ATAD2: variants seen among roughly 807,000 people sequenced by gnomAD.
The protein encoded by ATAD2 is ATPase family AAA domain-containing protein 2.
A neutral mutation model predicts 168.9 loss-of-function variants in ATAD2; 62 were observed. The observed-to-expected ratio is 0.37, with a 90% CI of 0.30 to 0.45. The LOEUF (loss-of-function observed/expected upper bound fraction) is 0.45. Ranked by LOEUF, ATAD2 falls within the 20% of genes least tolerant of loss-of-function variation. The pLI is 1.00. For missense variants in ATAD2, 1,419 were observed against 1,667.8 expected (o/e 0.85, Z 2.60); for synonymous variants, 613 against 571.6 (o/e 1.07, Z -1.03).
At chr8:123,332,592 C>T (rs1028148088) in intron 24 of ATAD2, among the ~76,000 whole-genome samples, 2 of 152,104 alleles carry the variant, frequency 1.3e-5, no homozygotes, top group Non-Finnish European at 2.9e-5. Flanking sequence ...ATCTGTGCTG[C>T]TGTATGTAGT....
chr8:123,389,130 C>A (rs1829732501), intron 1 of ATAD2, among the ~76,000 whole-genome samples: 1 of 59,032 alleles, frequency 1.7e-5, no homozygotes, highest in South Asian at 1.3e-3. Flanking sequence ...CCACGCCCGG[C>A]TAATTTTTTT....
At chr8:123,329,701 G>A (rs908716645) in intron 24 of ATAD2, among the ~76,000 whole-genome samples, 9 of 128,452 alleles carry the variant, frequency 7.0e-5, no homozygotes, top group Non-Finnish European at 1.2e-4. Flanking sequence ...GCAGTGAATC[G>A]AGATCATGCC....
intron 24 of ATAD2, among the ~76,000 whole-genome samples, chr8:123,328,823 C>T (rs1465171057): frequency 4.7e-5 from 5 of 106,934 alleles, no homozygotes; most frequent in African/African-American, 7.8e-5. Flanking sequence ...TTTTTTGAGA[C>T]GGAGTCTCAC....
intron 1 of ATAD2, among the ~76,000 whole-genome samples, chr8:123,393,259 C>T (rs1229267958): frequency 6.6e-6 from 1 of 151,548 alleles, no homozygotes; most frequent in African/African-American, 2.4e-5. Context: ...ACCTTTAATC[C>T]CAGCAATTTG....
chr8:123,412,426 TA>T (rs1386463149), intron 1 of ATAD2, among the ~76,000 whole-genome samples: 1 of 152,166 alleles, frequency 6.6e-6, no homozygotes, highest in Non-Finnish European at 1.5e-5. Context: ...GTAGTTTTTT[TA>T]AGTTATTTTA....
In ATAD2 at chr8:123,370,851, TAA is replaced by T; in HGVS notation, c.727+50_727+51del. 2.2e-6 allele frequency: 3 copies of T among 1,388,378 alleles called. No individual in the cohort carries two copies. The South Asian group carries it at 3.9e-5, about 18-fold the overall frequency. The allele number at this position is 1,388,378 out of a possible 1,614,324, so 86.0% of individuals were successfully genotyped here. A position where few individuals can be genotyped will look rare whatever the true frequency, so the allele number is the denominator to read the frequency against. ...GCTAAAAAGGCTATTTTCTACTAAA[TAA>T]AAAGTTCTTAAATTCAATCCCAGAA... On this transcript the variant is annotated intron_variant, in intron 6 of 27. Transcript: ENST00000287394.
chr8:123,345,389 C>T (rs937396046), intron 18 of ATAD2, among the ~76,000 whole-genome samples: 4 of 151,702 alleles, frequency 2.6e-5, no homozygotes, highest in Admixed American at 2.0e-4. Context: ...TAGCCAGGCG[C>T]GGTGGCTCAT....
intron 20 of ATAD2, 44 bp from the exon 21 acceptor site, chr8:123,337,865 T>C (rs370055991): frequency 3.8e-5 from 57 of 1,511,950 alleles, no homozygotes; most frequent in South Asian, 1.2e-4. Context: ...CTCCATAACA[T>C]TGAGGTTGAC....
chr8:123,381,650 A>C (rs1340716352), intron 1 of ATAD2, among the ~76,000 whole-genome samples: 1 of 152,200 alleles, frequency 6.6e-6, no homozygotes, highest in Admixed American at 6.5e-5. Flanking sequence ...GTTCTGTCAT[A>C]AAGTATTCCA....
chr8:123,328,706 A>G, intron 24 of ATAD2, 127 bp from the exon 25 acceptor site: 2 of 1,017,316 alleles, frequency 2.0e-6, no homozygotes, highest in Non-Finnish European at 2.7e-6. Context: ...TGATTAAAAT[A>G]CAGAAACAAG....
chr8:123,346,353 C>T, intron 17 of ATAD2, 81 bp from the exon 18 acceptor site: 2 of 1,330,480 alleles, frequency 1.5e-6, no homozygotes, highest in East Asian at 2.5e-5. Flanking sequence ...TATAAACTTT[C>T]ATAAGTAAAA....
At chr8:123,397,255 A>G (rs934319381), upstream of ATAD2, among the ~76,000 whole-genome samples, 90 of 151,770 alleles carry the variant, frequency 5.9e-4, no homozygotes, top group African/African-American at 2.1e-3. Context: ...AAAAAAAAAA[A>G]AAAAAAAAAG....
chr8:123,368,501 G>C (rs964962399), intron 8 of ATAD2, among the ~76,000 whole-genome samples: 1 of 152,094 alleles, frequency 6.6e-6, no homozygotes, highest in African/African-American at 2.4e-5. Flanking sequence ...ATGAACAACT[G>C]TTGGGATGTA....
intron 1 of ATAD2, 100 bp downstream of exon 1, chr8:123,396,087 C>A: frequency 2.3e-6 from 3 of 1,325,896 alleles, no homozygotes; most frequent in Non-Finnish European, 3.0e-6. Flanking sequence ...ACAACTGTCA[C>A]CCTGACCGGC....
intron 8 of ATAD2, among the ~76,000 whole-genome samples, chr8:123,361,910 T>G (rs1416182089): frequency 1.3e-5 from 2 of 152,178 alleles, no homozygotes; most frequent in African/African-American, 2.4e-5. Context: ...GCAGGGTGAC[T>G]TCTTAGTCTT....
upstream of ATAD2, chr8:123,400,661 G>C: frequency 2.8e-6 from 2 of 714,558 alleles, no homozygotes. The surrounding 1 kb of genome is among the most constrained non-coding windows in gnomAD (Gnocchi z 4.5). Context: ...AGAGCCGACA[G>C]CCTCACCTAC....
At chr8:123,337,403 A>G (rs1827949091) in intron 21 of ATAD2, among the ~76,000 whole-genome samples, 1 of 151,976 alleles carries the variant, frequency 6.6e-6, no homozygotes, top group Admixed American at 6.6e-5. Flanking sequence ...TTACTTCTGG[A>G]ATGTTTAGGT....
intron 1 of ATAD2, among the ~76,000 whole-genome samples, chr8:123,412,350 T>C (rs1813171465): frequency 6.6e-6 from 1 of 152,208 alleles, no homozygotes. Context: ...AACAAGGATT[T>C]ATGCCAACTA....
At chr8:123,387,991 T>C (rs1047510269) in intron 1 of ATAD2, among the ~76,000 whole-genome samples, 18 of 152,196 alleles carry the variant, frequency 1.2e-4, no homozygotes, top group African/African-American at 4.3e-4. Context: ...TAATACATGA[T>C]ATACATGTTA....
Sources: gnomAD v4.1 joint callset for allele counts (sites outside exome capture counted in the v4.1 genomes callset) on GRCh38, gnomAD v4.1.1 for gene constraint, Gnocchi (gnomAD v3.1) non-coding constraint, MANE v1.5 for transcripts, NCBI Gene and HGNC (gene_info 2026-07-23, HGNC 2026-07-21) for gene names.